DNAH14: variants seen among roughly 807,000 people sequenced by gnomAD.
DNAH14 encodes axonemal beta dynein heavy chain 14.
Under a neutral mutation model 520.9 loss-of-function variants are expected in DNAH14, and 478 were observed. The ratio of observed to expected loss-of-function variants is 0.92; its 90% confidence interval spans 0.85 to 0.99. The LOEUF (loss-of-function observed/expected upper bound fraction) is 0.99, where lower values mean the gene tolerates loss of function less well. Among genes scored for constraint, DNAH14 ranks in the 50% least tolerant of loss-of-function variants. DNAH14 has a pLI of 0.00. For synonymous variants in DNAH14, 1,581 were observed against 1,757.2 expected, an observed-to-expected ratio of 0.90 and a Z score of 2.51; for missense variants, 4,831 against 5,234.5, an observed-to-expected ratio of 0.92 and a Z score of 2.38.
Position 225,072,585 on chromosome 1 carries a change from G to C in DNAH14, c.2425-6622G>C, listed in dbSNP as rs1020857517. ...AGAGTCTTGCTGGAGAGGTATTGCA[G>C]TCATTTGGAAGAAAGAGCGCATTCT... On this transcript the variant is annotated intron_variant, in intron 17 of 85. Transcript: ENST00000682510. Among the ~76,000 whole-genome samples the C allele has an allele frequency of 2.6e-5, 4 of 152,212 alleles. 1 individual carries two copies. Among genetic ancestry groups the C allele is most frequent in the African/African-American group, 2.4e-5 (1 of 41,460 alleles).
intron 31 of DNAH14, among the ~76,000 whole-genome samples, chr1:225,149,974 G>T (rs1573517704): frequency 6.6e-6 from 1 of 152,154 alleles, no homozygotes; most frequent in East Asian, 1.9e-4. Flanking sequence ...TACTTGTCTT[G>T]TGTCAGTTTT....
intron 36 of DNAH14, among the ~76,000 whole-genome samples, chr1:225,171,984 T>A (rs571655064): frequency 1.3e-5 from 2 of 152,172 alleles, no homozygotes; most frequent in East Asian, 3.9e-4. Context: ...ATAAACATAA[T>A]CCAGCATATA....
chr1:225,335,965 A>C (rs546135178), intron 66 of DNAH14, among the ~76,000 whole-genome samples: 17 of 142,548 alleles, frequency 1.2e-4, no homozygotes, highest in African/African-American at 3.2e-4. Flanking sequence ...ACACATATAC[A>C]TATATGTACA....
chr1:225,390,482 G>A (rs2095895029), intron 83 of DNAH14, among the ~76,000 whole-genome samples: 1 of 152,068 alleles, frequency 6.6e-6, no homozygotes, highest in South Asian at 2.1e-4. Flanking sequence ...CCTGATACAG[G>A]CCCCAGCACA....
chr1:225,031,138 TG>T (rs2066491633), intron 11 of DNAH14, among the ~76,000 whole-genome samples: 1 of 152,060 alleles, frequency 6.6e-6, no homozygotes, highest in Non-Finnish European at 1.5e-5. Context: ...GTATTAAAAA[TG>T]GTACCATATT....
intron 69 of DNAH14, among the ~76,000 whole-genome samples, chr1:225,340,963 G>A (rs12728785): frequency 0.11 from 17,137 of 152,026 alleles, 1,150 homozygotes; most frequent in East Asian, 0.26. Context: ...CAAATCTTAC[G>A]GAATCTAGTT....
At chr1:225,392,645 T>A (rs1016431512) in intron 84 of DNAH14, among the ~76,000 whole-genome samples, 194 bp downstream of exon 84, 4 of 152,170 alleles carry the variant, frequency 2.6e-5, no homozygotes, top group African/African-American at 9.7e-5. Context: ...CTGGGGGGGA[T>A]AAAAGATCAT....
At chr1:225,127,694 T>C (rs2077895866) in intron 27 of DNAH14, among the ~76,000 whole-genome samples, 1 of 152,196 alleles carries the variant, frequency 6.6e-6, no homozygotes, top group Admixed American at 6.5e-5. Context: ...AATGGGAGCG[T>C]TTAGTCCATT....
intron 11 of DNAH14, among the ~76,000 whole-genome samples, chr1:225,031,466 A>G (rs2066516982): frequency 7.0e-6 from 1 of 142,884 alleles, no homozygotes; most frequent in Non-Finnish European, 1.6e-5. Context: ...TATGGTCCAC[A>G]AAACGTAAAA....
intron 43 of DNAH14, among the ~76,000 whole-genome samples, chr1:225,245,967 CA>C: frequency 1.3e-5 from 2 of 152,138 alleles, no homozygotes; most frequent in Middle Eastern, 3.4e-3. Flanking sequence ...TACCTGACTT[CA>C]AACTGTACTA....
intron 57 of DNAH14, among the ~76,000 whole-genome samples, chr1:225,304,135 A>G (rs2094194591): frequency 6.6e-6 from 1 of 152,202 alleles, no homozygotes; most frequent in African/African-American, 2.4e-5. Context: ...GGCAAAGAGA[A>G]TATTCTTCGC....
At chr1:225,240,158 T>C (rs1279226014) in intron 42 of DNAH14, among the ~76,000 whole-genome samples, 2 of 151,992 alleles carry the variant, frequency 1.3e-5, no homozygotes, top group East Asian at 3.9e-4. Flanking sequence ...TATAATTTCC[T>C]TTTCCAAAAT....
intron 23 of DNAH14, among the ~76,000 whole-genome samples, chr1:225,103,681 G>T (rs1445999674): frequency 6.6e-6 from 1 of 152,018 alleles, no homozygotes; most frequent in Non-Finnish European, 1.5e-5. Flanking sequence ...TCATGATATG[G>T]CTCTCTGTTT....
chr1:225,361,951 A>C (rs147529585), intron 75 of DNAH14, among the ~76,000 whole-genome samples: 59 of 152,382 alleles, frequency 3.9e-4, no homozygotes, highest in African/African-American at 1.3e-3. Flanking sequence ...AAGATTGCTT[A>C]GTTACATGAC....
At chr1:225,197,294 G>C (rs2086270200) in intron 38 of DNAH14, among the ~76,000 whole-genome samples, 1 of 152,112 alleles carries the variant, frequency 6.6e-6, no homozygotes, top group African/African-American at 2.4e-5. Flanking sequence ...TTGTTGAGTA[G>C]GGTGTCCTTT....
chr1:225,185,942 C>G (rs1417259570), intron 37 of DNAH14, among the ~76,000 whole-genome samples: 1 of 17,256 alleles, frequency 5.8e-5, no homozygotes, highest in Non-Finnish European at 1.1e-4. Flanking sequence ...TCGCATTACA[C>G]TTTGTTTTTT....
chr1:224,946,289 A>T (rs906589479), intron 1 of DNAH14, among the ~76,000 whole-genome samples: 5 of 151,900 alleles, frequency 3.3e-5, no homozygotes, highest in Non-Finnish European at 5.9e-5. Context: ...GGACCCTCCG[A>T]GCCAGACATG....
At chr1:225,213,277 T>G (rs1467968718) in intron 41 of DNAH14, among the ~76,000 whole-genome samples, 1 of 152,206 alleles carries the variant, frequency 6.6e-6, no homozygotes, top group African/African-American at 2.4e-5. Flanking sequence ...TATCTCTGTT[T>G]TGGTACCCGT....
chr1:225,042,648 C>A (rs189604857), intron 12 of DNAH14, among the ~76,000 whole-genome samples, 187 bp from the exon 13 acceptor site: 3 of 152,188 alleles, frequency 2.0e-5, no homozygotes, highest in Non-Finnish European at 4.4e-5. Flanking sequence ...TCCTTCATTA[C>A]AATGTCATTT....
Sources: gnomAD v4.1 joint callset for allele counts (sites outside exome capture counted in the v4.1 genomes callset) on GRCh38, gnomAD v4.1.1 for gene constraint, MANE v1.5 for transcripts, NCBI Gene and HGNC (gene_info 2026-07-23, HGNC 2026-07-21) for gene names.